INPP4B: variants seen among roughly 807,000 people sequenced by gnomAD.
INPP4B encodes the protein inositol polyphosphate-4-phosphatase type II B.
In INPP4B, 55 loss-of-function variants were observed where a neutral mutation model predicts 122.5. The ratio of observed to expected loss-of-function variants is 0.45; its 90% CI spans 0.36 to 0.56. The LOEUF is 0.56. Among genes scored for constraint, INPP4B ranks in the 20% least tolerant of loss-of-function variants. The pLI, the probability that INPP4B is intolerant of heterozygous loss-of-function variation, is 0.00. For synonymous variants in INPP4B, 403 were observed against 388.7 expected, an observed-to-expected ratio of 1.04 and a Z score of -0.43; for missense variants, 1,000 against 1,097.7, an observed-to-expected ratio of 0.91 and a Z score of 1.26.
chr4:142,285,832 T>G (rs952712043), intron 9 of INPP4B, among the ~76,000 whole-genome samples: 12 of 152,090 alleles, frequency 7.9e-5, no homozygotes, highest in Non-Finnish European at 4.4e-5. Flanking sequence ...GTAACACTTA[T>G]GACGACAATA....
At chr4:142,107,593 T>A (rs1787806162) in intron 23 of INPP4B, among the ~76,000 whole-genome samples, 1 of 152,088 alleles carries the variant, frequency 6.6e-6, no homozygotes, top group Non-Finnish European at 1.5e-5. Flanking sequence ...TGCCTTAACT[T>A]TTTTTGCATA....
At chr4:142,508,780 C>A (rs1299174040) in intron 2 of INPP4B, among the ~76,000 whole-genome samples, 1 of 152,142 alleles carries the variant, frequency 6.6e-6, no homozygotes, top group Non-Finnish European at 1.5e-5. Flanking sequence ...CTGGCAAACT[C>A]TCTGAAGACA....
chr4:142,394,381 G>C (rs1285034459), intron 7 of INPP4B, among the ~76,000 whole-genome samples: 2 of 152,114 alleles, frequency 1.3e-5, no homozygotes, highest in African/African-American at 4.8e-5. Flanking sequence ...TCCTGACCTC[G>C]TGATCTGCCC....
chr4:142,324,148 C>T (rs1561851884), intron 7 of INPP4B, among the ~76,000 whole-genome samples: 1 of 152,154 alleles, frequency 6.6e-6, no homozygotes, highest in Non-Finnish European at 1.5e-5. Flanking sequence ...TGCAAAGAGG[C>T]AGCAAGAGGG....
At chr4:142,101,768 T>C (rs957798904) in intron 23 of INPP4B, among the ~76,000 whole-genome samples, 1 of 152,168 alleles carries the variant, frequency 6.6e-6, no homozygotes, top group Non-Finnish European at 1.5e-5. Context: ...TTAGTAGCCT[T>C]GTTCTTTTCT....
In INPP4B at chr4:142,086,267, A is replaced by C. The variant is rs750017014; in HGVS notation, c.2375-11T>G. On this transcript the variant is annotated splice_polypyrimidine_tract_variant and intron_variant, in intron 23 of 25. Transcript: ENST00000262992. Reference sequence around the variant, plus strand: ...GAAAATGTGAAATATCTGAAGGGGAAAAAACAAAGGAGAAAAATAAAATGA... The same window carrying C: ...GAAAATGTGAAATATCTGAAGGGGACAAAACAAAGGAGAAAAATAAAATGA... 1.1e-5 allele frequency: 14 copies of C among 1,326,744 alleles called. No individual in the cohort carries two copies. Among genetic ancestry groups the C allele is most frequent in the Non-Finnish European group, 1.4e-5 (13 of 919,920 alleles). 82.2% of individuals were successfully genotyped at this position (1,326,744 alleles called of 1,614,324 possible). A position where few individuals can be genotyped will look rare whatever the true frequency, so the allele number is the denominator to read the frequency against.
At chr4:142,659,169 G>C (rs936486251) in intron 2 of INPP4B, among the ~76,000 whole-genome samples, 1 of 151,834 alleles carries the variant, frequency 6.6e-6, no homozygotes, top group African/African-American at 2.4e-5. Flanking sequence ...GGAGGCCGAG[G>C]CGGGCAGATC....
intron 5 of INPP4B, among the ~76,000 whole-genome samples, chr4:142,410,555 C>A (rs573017208): frequency 5.8e-4 from 89 of 152,156 alleles, no homozygotes; most frequent in African/African-American, 2.1e-3. Context: ...TCAAAATTAG[C>A]CAAAGGAAAT....
At chr4:142,448,203 C>T (rs556224008) in intron 3 of INPP4B, among the ~76,000 whole-genome samples, 5 of 151,930 alleles carry the variant, frequency 3.3e-5, no homozygotes, top group East Asian at 1.9e-4. Flanking sequence ...CTGGCCTGTG[C>T]GGGCTGATGT....
At chr4:142,693,226 G>A (rs1313974370) in intron 2 of INPP4B, among the ~76,000 whole-genome samples, 3 of 151,994 alleles carry the variant, frequency 2.0e-5, no homozygotes, top group East Asian at 3.9e-4. Flanking sequence ...TATGTGTCAT[G>A]GCTAGGTGAG....
At chr4:142,733,487 A>C (rs1766389747) in intron 1 of INPP4B, among the ~76,000 whole-genome samples, 1 of 152,192 alleles carries the variant, frequency 6.6e-6, no homozygotes, top group Non-Finnish European at 1.5e-5. Context: ...TAAACTTCAC[A>C]AAAGAAGGCT....
chr4:142,535,647 CTGTT>C (rs1828100972), intron 2 of INPP4B, among the ~76,000 whole-genome samples: 2 of 152,030 alleles, frequency 1.3e-5, no homozygotes, highest in African/African-American at 4.8e-5. Flanking sequence ...TCCACACAAA[CTGTT>C]TGGTGCATGG....
At chr4:142,695,757 G>C (rs775867737) in intron 2 of INPP4B, among the ~76,000 whole-genome samples, 1 of 152,176 alleles carries the variant, frequency 6.6e-6, no homozygotes, top group Non-Finnish European at 1.5e-5. Flanking sequence ...CTATCCAACA[G>C]AGCACTAAGT....
intron 2 of INPP4B, among the ~76,000 whole-genome samples, chr4:142,573,635 C>A (rs192000289): frequency 1.3e-5 from 2 of 152,068 alleles, no homozygotes; most frequent in Non-Finnish European, 2.9e-5. Context: ...TATTACCTTT[C>A]GATTGGGCCA....
chr4:142,276,727 T>A (rs1314426365), intron 9 of INPP4B, among the ~76,000 whole-genome samples: 1 of 151,884 alleles, frequency 6.6e-6, no homozygotes, highest in Non-Finnish European at 1.5e-5. Context: ...GACGTAGAAA[T>A]GTTGATCATC....
At position 142,035,678 on chromosome 4, in the gene INPP4B, G is replaced by A. The variant is rs189354541; in HGVS notation, c.2643-6764C>T. On this transcript the variant is annotated intron_variant, in intron 25 of 25. Transcript: ENST00000262992. ...CCAGACTATATTTGGGTAAACAATA[G>A]TCATAATTATGTCACAGCAATTTGA... Among the ~76,000 whole-genome samples the A allele has an allele frequency of 3.0e-3, 463 of 152,304 alleles. 3 individuals are homozygous for A. The highest frequency in any genetic ancestry group is 0.011 in the African/African-American group (437 of 41,564).
In INPP4B at chr4:142,840,580, A is replaced by G. The variant is rs964163207; in HGVS notation, c.-254+5629T>C. Reference sequence around the variant, plus strand: ...TACTCATAATAGATCTTCTGAATATACTACTAAGAATTTAGGTGCCTGTTG... The same window carrying G: ...TACTCATAATAGATCTTCTGAATATGCTACTAAGAATTTAGGTGCCTGTTG... On this transcript the variant is annotated intron_variant, in intron 1 of 25. Transcript: ENST00000262992. Among the ~76,000 whole-genome samples, 33 of 152,156 alleles carry G rather than the reference A, an allele frequency of 2.2e-4. 1 individual carries two copies. The highest frequency in any genetic ancestry group is 8.0e-4 in the African/African-American group (33 of 41,458).
At chr4:142,548,520 C>A (rs1727181985) in intron 2 of INPP4B, among the ~76,000 whole-genome samples, 1 of 152,106 alleles carries the variant, frequency 6.6e-6, no homozygotes, top group South Asian at 2.1e-4. Context: ...CATATTAAAA[C>A]TTAATTGCCT....
At chr4:142,673,641 C>A (rs1169610867) in intron 2 of INPP4B, among the ~76,000 whole-genome samples, 1 of 152,048 alleles carries the variant, frequency 6.6e-6, no homozygotes, top group Non-Finnish European at 1.5e-5. Context: ...GGTCAGTCCA[C>A]CAGGTAAGGC....
Sources: allele counts gnomAD v4.1 joint callset (sites outside exome capture counted in the v4.1 genomes callset), GRCh38; gene constraint gnomAD v4.1.1; transcripts MANE v1.5; gene names NCBI Gene and HGNC (gene_info 2026-07-23, HGNC 2026-07-21).